The following SLC28A3 variants were observed in gnomAD, a reference collection of about 807,000 sequenced individuals.
SLC28A3 encodes the protein concentrative Na(+)-nucleoside cotransporter 3.
Under a neutral mutation model 84.2 loss-of-function variants are expected in SLC28A3, and 68 were observed. The observed-to-expected ratio is 0.81, with a 90% CI of 0.66 to 0.99. SLC28A3 has a LOEUF of 0.99. Ranked by LOEUF, SLC28A3 falls within the 50% of genes least tolerant of loss-of-function variation. The pLI, the probability that SLC28A3 is intolerant of heterozygous loss-of-function variation, is 0.00. For missense variants in SLC28A3, 712 were observed against 841.5 expected (o/e 0.85, Z 1.90); for synonymous variants, 267 against 303.6 (o/e 0.88, Z 1.25).
chr9:84,289,411 C>T (rs549984979), intron 11 of SLC28A3, among the ~76,000 whole-genome samples: 1 of 152,116 alleles, frequency 6.6e-6, no homozygotes, highest in African/African-American at 2.4e-5. Context: ...CTCTATGGGT[C>T]GGGGTGCACG....
intron 3 of SLC28A3, among the ~76,000 whole-genome samples, chr9:84,309,070 G>T (rs943769458): frequency 5.9e-5 from 9 of 152,184 alleles, no homozygotes; most frequent in Admixed American, 6.5e-5. Flanking sequence ...TGTCCTGGGT[G>T]AATTTAAATC....
chr9:84,294,093 G>T, intron 9 of SLC28A3, 102 bp downstream of exon 9: 1 of 1,012,280 alleles, frequency 9.9e-7, no homozygotes, highest in Non-Finnish European at 1.5e-6. Flanking sequence ...ATGGTAGGAA[G>T]AGAAAGGCAC....
intron 1 of SLC28A3, among the ~76,000 whole-genome samples, chr9:84,316,651 T>C (rs1247820517): frequency 6.6e-6 from 1 of 152,210 alleles, no homozygotes; most frequent in East Asian, 1.9e-4. Context: ...TTGTTACTTT[T>C]GGTTTTTGCT....
intron 10 of SLC28A3, among the ~76,000 whole-genome samples, chr9:84,291,340 T>G (rs1196481645): frequency 6.6e-6 from 1 of 152,130 alleles, no homozygotes. Context: ...AAGCATAGGT[T>G]TTTTTTCTTT....
chr9:84,366,459 G>T, the SLC28A3 span, among the ~76,000 whole-genome samples: 4 of 152,186 alleles, frequency 2.6e-5, no homozygotes, highest in African/African-American at 9.6e-5. Context: ...GATGTTCTTT[G>T]GTGTCTGGGC....
At chr9:84,339,763 C>T (rs1564183038) in intron 1 of SLC28A3, among the ~76,000 whole-genome samples, 1 of 152,152 alleles carries the variant, frequency 6.6e-6, no homozygotes, top group Non-Finnish European at 1.5e-5. Flanking sequence ...CAAACTTGGG[C>T]TCTGGGAAGT....
intron 1 of SLC28A3, among the ~76,000 whole-genome samples, chr9:84,336,659 G>A (rs1588627896): frequency 6.6e-6 from 1 of 152,232 alleles, no homozygotes; most frequent in East Asian, 1.9e-4. Context: ...ATGGGTGACA[G>A]AGTGAGACCC....
chr9:84,332,146 C>T (rs1826814088), intron 1 of SLC28A3, among the ~76,000 whole-genome samples: 2 of 152,084 alleles, frequency 1.3e-5, no homozygotes, highest in Non-Finnish European at 2.9e-5. Context: ...TAGAAAATAT[C>T]CTAATGACTT....
chr9:84,316,095 T>G (rs1004478564), intron 1 of SLC28A3, among the ~76,000 whole-genome samples: 1 of 152,078 alleles, frequency 6.6e-6, no homozygotes, highest in African/African-American at 2.4e-5. Flanking sequence ...TAACCAGGAG[T>G]ACATTGTGCC....
intron 3 of SLC28A3, 33 bp downstream of exon 3, chr9:84,309,596 G>C: frequency 6.6e-7 from 1 of 1,514,680 alleles, no homozygotes; most frequent in African/African-American, 1.4e-5. Context: ...ACGGGAGGTA[G>C]GCTTGGTTAT....
At chr9:84,319,481 A>C (rs1230116807) in intron 1 of SLC28A3, among the ~76,000 whole-genome samples, 3 of 152,186 alleles carry the variant, frequency 2.0e-5, no homozygotes, top group African/African-American at 7.2e-5. Context: ...GTTGAGCAAC[A>C]TGGTGAACCC....
chr9:84,306,131 G>A (rs906769388), intron 3 of SLC28A3, among the ~76,000 whole-genome samples: 2 of 152,110 alleles, frequency 1.3e-5, no homozygotes, highest in Non-Finnish European at 2.9e-5. Context: ...CCTGTGTGAT[G>A]CCTCTTTCTT....
intron 2 of SLC28A3, chr9:84,310,327 T>G (rs547622119): frequency 1.1e-6 from 1 of 897,646 alleles, no homozygotes; most frequent in East Asian, 1.2e-4. Flanking sequence ...ATCCCATTTT[T>G]TCATGGACAA....
At chr9:84,280,996 G>C in intron 14 of SLC28A3, 114 bp from the exon 15 acceptor site, 1 of 956,222 alleles carries the variant, frequency 1.0e-6, no homozygotes, top group South Asian at 1.5e-5. Context: ...TAAATGCACA[G>C]TCCATGGTAT....
rs1228732835 is a variant in SLC28A3 at position 84,337,224 on chromosome 9, CCTT to C, written c.60+3347_60+3349del. Among the ~76,000 whole-genome samples the C allele has an allele frequency of 3.3e-5, 5 of 152,284 alleles. No individual in the cohort carries two copies. In the East Asian group the frequency reaches 9.7e-4, roughly 29 times the overall value. ...TAATTGCATGCTTATTTCTGCCTGT[CCTT>C]CTCCTTGAGGGCAAGAAGAGCATAT... On this transcript the variant is annotated intron_variant, in intron 1 of 17. Transcript: ENST00000376238.
intron 1 of SLC28A3, among the ~76,000 whole-genome samples, chr9:84,322,167 G>T (rs1049148815): frequency 3.9e-5 from 6 of 152,248 alleles, no homozygotes; most frequent in Non-Finnish European, 5.9e-5. Context: ...GTCATGAAAT[G>T]ATTGACTTCT....
chr9:84,337,915 A>G (rs143831993), intron 1 of SLC28A3, among the ~76,000 whole-genome samples: 2 of 152,350 alleles, frequency 1.3e-5, no homozygotes, highest in East Asian at 1.9e-4. Context: ...TATAACCCAT[A>G]TCACTGACTT....
At chr9:84,348,349 G>A in the SLC28A3 span, among the ~76,000 whole-genome samples, 1 of 50,078 alleles carries the variant, frequency 2.0e-5, no homozygotes, top group African/African-American at 1.1e-4. Flanking sequence ...GCAAGACTCC[G>A]TCTCAAAAAA....
At chr9:84,332,127 A>G (rs1031876676) in intron 1 of SLC28A3, among the ~76,000 whole-genome samples, 1 of 152,340 alleles carries the variant, frequency 6.6e-6, no homozygotes, top group Non-Finnish European at 1.5e-5. Flanking sequence ...GAATGAAAGT[A>G]TAAGCTTTTA....
Sources: allele counts gnomAD v4.1 joint callset (sites outside exome capture counted in the v4.1 genomes callset), GRCh38; gene constraint gnomAD v4.1.1; transcripts MANE v1.5; gene names NCBI Gene and HGNC (gene_info 2026-07-23, HGNC 2026-07-21).